The following SYT1 variants were observed in gnomAD, a reference collection of about 807,000 sequenced individuals.
SYT1 encodes the protein synaptotagmin-1.
In SYT1, 8 loss-of-function variants were observed where a neutral mutation model predicts 44.8. The observed-to-expected ratio is 0.18, with a 90% CI of 0.10 to 0.32. SYT1 has a LOEUF of 0.32. Ranked by LOEUF, SYT1 falls within the 10% of genes least tolerant of loss-of-function variation. SYT1 has a pLI of 1.00. For missense variants in SYT1, 286 were observed against 509.3 expected (o/e 0.56, Z 4.22); for synonymous variants, 154 against 188.8 (o/e 0.82, Z 1.51).
intron 10 of SYT1, among the ~76,000 whole-genome samples, chr12:79,446,731 T>C (rs575604033): frequency 6.6e-6 from 1 of 152,260 alleles, no homozygotes; most frequent in South Asian, 2.1e-4. Context: ...TGGTTCCCTG[T>C]TCCCAATAAC....
intron 9 of SYT1, among the ~76,000 whole-genome samples, chr12:79,386,790 G>T (rs1177792260): frequency 6.6e-6 from 1 of 152,088 alleles, no homozygotes; most frequent in Non-Finnish European, 1.5e-5. Flanking sequence ...CTAGCCTCGT[G>T]CATCCATGGG....
At chr12:79,372,688 G>T (rs1294426152) in intron 9 of SYT1, among the ~76,000 whole-genome samples, 2 of 152,278 alleles carry the variant, frequency 1.3e-5, no homozygotes, top group Middle Eastern at 6.8e-3. Context: ...TATACAGGAG[G>T]ATTCCCCAAC....
intron 2 of SYT1, among the ~76,000 whole-genome samples, chr12:78,984,421 AT>A (rs1869499853): frequency 6.6e-6 from 1 of 151,996 alleles, no homozygotes; most frequent in African/African-American, 2.4e-5. Flanking sequence ...TAAAACATGC[AT>A]TTTATATAGC....
intron 3 of SYT1, among the ~76,000 whole-genome samples, chr12:79,196,981 T>C (rs1371448798): frequency 6.6e-6 from 1 of 152,250 alleles, no homozygotes; most frequent in Admixed American, 6.5e-5. Flanking sequence ...CAGCAATTAA[T>C]AAATGGACTG....
intron 2 of SYT1, among the ~76,000 whole-genome samples, chr12:79,014,727 C>CTA (rs1244807433): frequency 6.6e-6 from 1 of 152,040 alleles, no homozygotes; most frequent in African/African-American, 2.4e-5. Flanking sequence ...ACCCAAAGGA[C>CTA]TATAAATCAT....
chr12:78,894,920 CA>C (rs1875273021), intron 1 of SYT1, among the ~76,000 whole-genome samples: 1 of 151,498 alleles, frequency 6.6e-6, no homozygotes, highest in African/African-American at 2.4e-5. Flanking sequence ...TAAGTGTTCT[CA>C]CCACAAAAAA....
Position 79,449,414 on chromosome 12 carries a change from A to AAAG in SYT1, c.*292_*294dup. 3.0e-6 allele frequency: 1 copy of AAAG among 337,312 alleles called. No homozygotes were observed. Among genetic ancestry groups the AAAG allele is most frequent in the African/African-American group, 2.1e-5 (1 of 47,314 alleles). The allele number at this position is 337,312 out of a possible 1,614,324, so 20.9% of individuals were successfully genotyped here. A position where few individuals can be genotyped will look rare whatever the true frequency, so the allele number is the denominator to read the frequency against. ...ACACTGTTGTATATACCAGTATGCTAAAGATTTATTTCTAGTTTGTGTATT... is the reference window on the plus strand; with the variant it reads ...ACACTGTTGTATATACCAGTATGCTAAAGAAGATTTATTTCTAGTTTGTGTATT... On this transcript the variant is annotated 3_prime_UTR_variant, in exon 11 of 11. Transcript: ENST00000261205.
intron 3 of SYT1, among the ~76,000 whole-genome samples, chr12:79,205,214 G>A (rs552746196): frequency 2.8e-4 from 43 of 151,952 alleles, no homozygotes; most frequent in African/African-American, 9.2e-4. Flanking sequence ...TGCCCGCCTC[G>A]GCCTCCCAAA....
At chr12:79,338,227 C>T (rs763158998) in intron 8 of SYT1, among the ~76,000 whole-genome samples, 3 of 151,976 alleles carry the variant, frequency 2.0e-5, no homozygotes, top group Admixed American at 6.6e-5. Flanking sequence ...GAGAAATCAT[C>T]CATATTCCAA....
chr12:79,374,843 G>A (rs1883928671), intron 9 of SYT1, among the ~76,000 whole-genome samples: 1 of 152,216 alleles, frequency 6.6e-6, no homozygotes, highest in African/African-American at 2.4e-5. Context: ...CTTGGAACGA[G>A]CTCAGGGAGA....
chr12:79,072,462 T>G (rs1173139146), intron 3 of SYT1, among the ~76,000 whole-genome samples: 2 of 152,126 alleles, frequency 1.3e-5, no homozygotes, highest in African/African-American at 2.4e-5. Context: ...TACATAAGAT[T>G]AACACATTTT....
intron 8 of SYT1, among the ~76,000 whole-genome samples, chr12:79,343,121 C>G (rs1045411709): frequency 4.6e-5 from 7 of 152,120 alleles, no homozygotes; most frequent in African/African-American, 1.7e-4. Context: ...TCAATAAATT[C>G]TGCTGAAAGT....
intron 3 of SYT1, among the ~76,000 whole-genome samples, 162 bp from the exon 4 acceptor site, chr12:79,217,341 A>C (rs1874870601): frequency 6.6e-6 from 1 of 152,212 alleles, no homozygotes; most frequent in African/African-American, 2.4e-5. Context: ...CTGTGGTTCC[A>C]TAAATATTTC....
intron 3 of SYT1, among the ~76,000 whole-genome samples, chr12:79,053,606 C>A (rs889290260): frequency 6.7e-6 from 1 of 148,382 alleles, no homozygotes; most frequent in East Asian, 2.0e-4. Flanking sequence ...ATAATATTGA[C>A]AATTATTTAA....
chr12:79,308,618 AAG>A (rs1880584261), intron 8 of SYT1, among the ~76,000 whole-genome samples: 7 of 25,372 alleles, frequency 2.8e-4, no homozygotes, highest in South Asian at 1.5e-3. Flanking sequence ...AAGAAAAAGA[AAG>A]AAAGAAAGAA....
intron 9 of SYT1, chr12:79,393,534 T>C (rs916216904): frequency 6.6e-6 from 1 of 152,248 alleles, no homozygotes. Flanking sequence ...GTGGTTTTGA[T>C]TTGCATTTCT....
chr12:79,176,407 G>A (rs747686468), intron 3 of SYT1, among the ~76,000 whole-genome samples: 5 of 151,884 alleles, frequency 3.3e-5, no homozygotes, highest in Non-Finnish European at 7.4e-5. Flanking sequence ...TACCCAGACC[G>A]AGTGGCAAAA....
At chr12:79,276,006 G>C in intron 4 of SYT1, among the ~76,000 whole-genome samples, 1 of 152,146 alleles carries the variant, frequency 6.6e-6, no homozygotes, top group East Asian at 1.9e-4. Context: ...AAAGCACCCA[G>C]AGCCAAAGCT....
intron 1 of SYT1, among the ~76,000 whole-genome samples, chr12:78,916,437 C>A (rs1876659505): frequency 6.6e-6 from 1 of 151,816 alleles, no homozygotes. Context: ...AACCAATATT[C>A]CTTTGATAAC....
Sources: gnomAD v4.1 joint callset for allele counts (sites outside exome capture counted in the v4.1 genomes callset) on GRCh38, gnomAD v4.1.1 for gene constraint, MANE v1.5 for transcripts, NCBI Gene and HGNC (gene_info 2026-07-23, HGNC 2026-07-21) for gene names.